Variants in ENPP6 observed in about 807,000 individuals in gnomAD.
ENPP6 encodes the protein glycerophosphocholine cholinephosphodiesterase ENPP6.
Under a neutral mutation model 42.0 loss-of-function variants are expected in ENPP6, and 32 were observed. The ratio of observed to expected loss-of-function variants is 0.76; its 90% CI spans 0.58 to 1.02. ENPP6 has a LOEUF of 1.02. Ranked by LOEUF, ENPP6 falls within the 50% of genes least tolerant of loss-of-function variation. The pLI is 0.00. For missense variants in ENPP6, 552 were observed against 566.8 expected (o/e 0.97, Z 0.27); for synonymous variants, 213 against 216.0 (o/e 0.99, Z 0.12).
intron 1 of ENPP6, among the ~76,000 whole-genome samples, chr4:184,210,774 C>A (rs893566937): frequency 2.0e-5 from 3 of 151,960 alleles, no homozygotes; most frequent in African/African-American, 7.3e-5. Flanking sequence ...CCCAAATCAA[C>A]AGAATATACA....
At chr4:184,130,343 G>A (rs1736576666) in intron 2 of ENPP6, among the ~76,000 whole-genome samples, 1 of 150,782 alleles carries the variant, frequency 6.6e-6, no homozygotes, top group African/African-American at 2.4e-5. Context: ...TGGATCACGA[G>A]GTCAGGAGAT....
intron 6 of ENPP6, among the ~76,000 whole-genome samples, chr4:184,099,425 G>T (rs2111330674): frequency 6.6e-6 from 1 of 152,332 alleles, no homozygotes; most frequent in East Asian, 1.9e-4. Flanking sequence ...TGGCCACCTT[G>T]CAGGGTCTGT....
chr4:184,160,658 G>A (rs1425573965), intron 1 of ENPP6, among the ~76,000 whole-genome samples: 1 of 151,772 alleles, frequency 6.6e-6, no homozygotes, highest in African/African-American at 2.4e-5. Context: ...GAGTATTGGG[G>A]GAGAGTCACA....
At chr4:184,091,875 A>G (rs1303698707) in intron 7 of ENPP6, among the ~76,000 whole-genome samples, 2 of 152,200 alleles carry the variant, frequency 1.3e-5, no homozygotes, top group Non-Finnish European at 2.9e-5. Flanking sequence ...CAGCCTGGGC[A>G]AGAGAGCAAG....
intron 1 of ENPP6, among the ~76,000 whole-genome samples, chr4:184,170,743 G>A (rs1737447663): frequency 2.6e-5 from 4 of 152,202 alleles, no homozygotes; most frequent in Admixed American, 2.0e-4. Context: ...TGCACGTGGT[G>A]CCATGTACTT....
chr4:184,152,831 G>A (rs1393235964), intron 2 of ENPP6, among the ~76,000 whole-genome samples: 1 of 152,102 alleles, frequency 6.6e-6, no homozygotes, highest in Non-Finnish European at 1.5e-5. Flanking sequence ...TAACACAAAG[G>A]GACTTCATTT....
chr4:184,123,769 G>T (rs1269280269), intron 3 of ENPP6, among the ~76,000 whole-genome samples: 2 of 152,030 alleles, frequency 1.3e-5, no homozygotes, highest in East Asian at 3.9e-4. Context: ...AAGGGGGTAG[G>T]GTAGGCAATT....
chr4:184,153,884 T>C (rs1212498520), intron 1 of ENPP6, 151 bp from the exon 2 acceptor site: 2 of 934,686 alleles, frequency 2.1e-6, no homozygotes, highest in Non-Finnish European at 3.1e-6. Flanking sequence ...AATCAGATTT[T>C]TTTTTCTTAA....
chr4:184,132,091 G>A (rs1736646961), intron 2 of ENPP6, among the ~76,000 whole-genome samples: 1 of 152,160 alleles, frequency 6.6e-6, no homozygotes, highest in African/African-American at 2.4e-5. Flanking sequence ...GCCCTCAAGG[G>A]ATTGGATGAT....
chr4:184,123,563 C>A (rs138119024), intron 3 of ENPP6, among the ~76,000 whole-genome samples: 2 of 152,188 alleles, frequency 1.3e-5, no homozygotes, highest in Non-Finnish European at 2.9e-5. Flanking sequence ...ACTTCCACTT[C>A]CAGAGATTTC....
At chr4:184,202,666 C>T (rs1035430028) in intron 1 of ENPP6, among the ~76,000 whole-genome samples, 1 of 152,092 alleles carries the variant, frequency 6.6e-6, no homozygotes, top group African/African-American at 2.4e-5. Flanking sequence ...CAGCATGTCT[C>T]ATTTAGAAGT....
At chr4:184,146,082 T>C (rs1460828739) in intron 2 of ENPP6, among the ~76,000 whole-genome samples, 1 of 151,666 alleles carries the variant, frequency 6.6e-6, no homozygotes, top group East Asian at 1.9e-4. Context: ...CTCTTTTTTG[T>C]GTATATCCCA....
rs140175065 is a variant in ENPP6 at position 184,185,443 on chromosome 4, C to T, written c.242-31710G>A. Among the ~76,000 whole-genome samples, 293 of 152,272 alleles carry T rather than the reference C, an allele frequency of 1.9e-3. 2 individuals carry two copies. The East Asian group carries it at 0.024, about 12-fold the overall frequency. On this transcript the variant is annotated intron_variant, in intron 1 of 7. Transcript: ENST00000296741. The stretch of plus-strand genomic sequence containing the variant: ...AAACCTGTGGGGACACCCCAGCCAG[C>T]GCTCTAGAGCCACATGGTCTCAGCC...
intron 5 of ENPP6, among the ~76,000 whole-genome samples, chr4:184,114,258 G>T (rs186115045): frequency 6.6e-6 from 1 of 152,210 alleles, no homozygotes; most frequent in Non-Finnish European, 1.5e-5. Context: ...CAGCCATCGC[G>T]CCTGGCCCTG....
rs1159272704 is a variant in ENPP6, at chr4:184,184,972, C to T, written c.242-31239G>A. 2.0e-5 allele frequency among the ~76,000 whole-genome samples: 3 copies of T among 152,118 alleles called. No individual in the cohort carries two copies. The highest frequency in any genetic ancestry group is 2.9e-5 in the Non-Finnish European group (2 of 68,044). Reference sequence around the variant, plus strand: ...AGGAATGGGAGGAGAGGAGCTGCGTCACATCTAATGAGACAGCTGGGAGGA... The same window carrying T: ...AGGAATGGGAGGAGAGGAGCTGCGTTACATCTAATGAGACAGCTGGGAGGA... On this transcript the variant is annotated intron_variant, in intron 1 of 7. Coordinates refer to ENST00000296741, the MANE Select transcript of ENPP6 (RefSeq NM_153343.4). The surrounding 1 kb of genome is among the most constrained non-coding windows in gnomAD (Gnocchi z 4.7).
rs772211563 is a variant in ENPP6, at chr4:184,184,649, G to T, written c.242-30916C>A. ...TGAGGTCGTCCTGGGTGATCCAATG[G>T]TCCTGCATCCAATGGCAAGAGGTCT... On this transcript the variant is annotated intron_variant, in intron 1 of 7. Transcript: ENST00000296741. The surrounding 1 kb of genome is among the most constrained non-coding windows in gnomAD (Gnocchi z 4.7). Among the ~76,000 whole-genome samples the T allele has an allele frequency of 3.3e-5, 5 of 152,106 alleles. No homozygotes were observed. The highest frequency in any genetic ancestry group is 7.4e-5 in the Non-Finnish European group (5 of 68,024).
intron 1 of ENPP6, among the ~76,000 whole-genome samples, chr4:184,179,977 T>G (rs1732526896): frequency 6.6e-6 from 1 of 151,144 alleles, no homozygotes; most frequent in Non-Finnish European, 1.5e-5. Flanking sequence ...GAACCAAGAG[T>G]AAACAAACCC....
At chr4:184,193,762 A>G (rs1732742043) in intron 1 of ENPP6, among the ~76,000 whole-genome samples, 1 of 152,196 alleles carries the variant, frequency 6.6e-6, no homozygotes, top group African/African-American at 2.4e-5. Context: ...ATGTAGGCAA[A>G]TACCAACCTC....
At chr4:184,145,743 CCCTGAGCCA>C in intron 2 of ENPP6, among the ~76,000 whole-genome samples, 1 of 152,244 alleles carries the variant, frequency 6.6e-6, no homozygotes. Context: ...CCTCCCCAGC[CCCTGAGCCA>C]CTGCAGCTTG....
Sources: gnomAD v4.1 joint callset for allele counts (sites outside exome capture counted in the v4.1 genomes callset) on GRCh38, gnomAD v4.1.1 for gene constraint, Gnocchi (gnomAD v3.1) non-coding constraint, MANE v1.5 for transcripts, NCBI Gene and HGNC (gene_info 2026-07-23, HGNC 2026-07-21) for gene names.